DMD: variants seen among roughly 807,000 people sequenced by gnomAD.
DMD encodes mutant dystrophin.
Under a neutral mutation model 330.1 loss-of-function variants are expected in DMD, and 63 were observed. The ratio of observed to expected loss-of-function variants is 0.19; its 90% confidence interval spans 0.16 to 0.24. The LOEUF (loss-of-function observed/expected upper bound fraction) is 0.24, where lower values mean the gene tolerates loss of function less well. DMD is among the 10% of genes least tolerant of loss of function. The pLI is 1.00. For missense variants in DMD, 3,344 were observed against 2,684.1 expected (o/e 1.25, Z -5.43); for synonymous variants, 1,223 against 959.8 (o/e 1.27, Z -5.07).
At chrX:32,634,400 A>T (rs957220647) in intron 11 of DMD, among the ~76,000 whole-genome samples, 3 of 112,030 alleles carry the variant, frequency 2.7e-5, no homozygotes, top group African/African-American at 9.7e-5. Context: ...CTGAAGCAGA[A>T]GGATTCTCTC....
chrX:31,224,807 T>C (rs1472707758), intron 63 of DMD, among the ~76,000 whole-genome samples: 1 of 111,842 alleles, frequency 8.9e-6, no homozygotes, highest in East Asian at 2.8e-4. Flanking sequence ...CAAAGTGCAA[T>C]AAAAAGGAAC....
At chrX:31,916,613 G>A (rs968549891) in intron 47 of DMD, among the ~76,000 whole-genome samples, 3 of 111,653 alleles carry the variant, frequency 2.7e-5, no homozygotes, top group Non-Finnish European at 5.6e-5. Flanking sequence ...CACTTACTCT[G>A]TATCAGCTGT....
At chrX:31,441,301 A>C (rs769738366) in intron 60 of DMD, among the ~76,000 whole-genome samples, 1 of 111,456 alleles carries the variant, frequency 9.0e-6, no homozygotes, top group African/African-American at 3.3e-5. Context: ...GTTTCAAGCA[A>C]TTCTCCTGCC....
At chrX:31,638,249 C>A (rs917816549) in intron 54 of DMD, among the ~76,000 whole-genome samples, 2 of 111,620 alleles carry the variant, frequency 1.8e-5, no homozygotes, top group African/African-American at 6.5e-5. Context: ...CATCAAGTAC[C>A]AAAAGTGCCT....
intron 44 of DMD, among the ~76,000 whole-genome samples, chrX:32,044,095 T>C (rs2096036155): frequency 8.9e-6 from 1 of 111,743 alleles, no homozygotes; most frequent in African/African-American, 3.3e-5. Context: ...GTTAAGAATC[T>C]AAACATTATC....
At chrX:32,905,721 G>A (rs2086675647) in intron 2 of DMD, among the ~76,000 whole-genome samples, 1 of 111,932 alleles carries the variant, frequency 8.9e-6, no homozygotes, top group Admixed American at 9.5e-5. Context: ...TTGACGTATT[G>A]CAGAGATTCT....
At chrX:32,784,162 T>C (rs1041613157) in intron 7 of DMD, among the ~76,000 whole-genome samples, 26 of 111,875 alleles carry the variant, frequency 2.3e-4, no homozygotes, top group African/African-American at 8.4e-4. Flanking sequence ...TATAAGTAGA[T>C]GTCCTCCCTT....
At chrX:31,722,103 TTTC>T (rs2085610580) in intron 52 of DMD, among the ~76,000 whole-genome samples, 1 of 100,162 alleles carries the variant, frequency 1.0e-5, no homozygotes, top group Non-Finnish European at 1.9e-5. Flanking sequence ...GTAAGTTGTA[TTTC>T]TTTTTTATTA....
intron 2 of DMD, among the ~76,000 whole-genome samples, chrX:33,000,557 C>G (rs2093253380): frequency 8.9e-6 from 1 of 111,851 alleles, no homozygotes; most frequent in Non-Finnish European, 1.9e-5. Flanking sequence ...TAAGACCCCT[C>G]TATAGCTATG....
At chrX:33,046,052 A>G (rs2094377380) in intron 1 of DMD, among the ~76,000 whole-genome samples, 1 of 111,516 alleles carries the variant, frequency 9.0e-6, no homozygotes, top group African/African-American at 3.3e-5. Flanking sequence ...CACAGACCAC[A>G]TTGGATGTCA....
intron 41 of DMD, among the ~76,000 whole-genome samples, chrX:32,330,267 C>G (rs2097672650): frequency 1.8e-5 from 2 of 112,034 alleles, no homozygotes; most frequent in South Asian, 7.3e-4. Context: ...TAAAGGAGGG[C>G]AGGAGAATTA....
chrX:32,616,724 A>G (rs1167363884), intron 11 of DMD, among the ~76,000 whole-genome samples: 2 of 81,400 alleles, frequency 2.5e-5, no homozygotes, highest in Admixed American at 1.4e-4. Flanking sequence ...TTCTTTAAAG[A>G]ATGTTACTGA....
At chrX:32,441,791 T>C in intron 27 of DMD, among the ~76,000 whole-genome samples, 1 of 111,569 alleles carries the variant, frequency 9.0e-6, no homozygotes, top group Non-Finnish European at 1.9e-5. Flanking sequence ...TAAGAAGACA[T>C]ATTTTTAATG....
rs2079021836 is a variant in DMD at position 31,629,322 on chromosome X, C to T, written c.8028-1460G>A. Among the ~76,000 whole-genome samples the T allele has an allele frequency of 2.7e-5, 3 of 111,522 alleles. No homozygotes were observed. The South Asian group carries it at 1.1e-3, about 42-fold the overall frequency. On this transcript the variant is annotated intron_variant, in intron 54 of 78. Coordinates refer to ENST00000357033, the MANE Select transcript of DMD (RefSeq NM_004006.3). Reference sequence around the variant, plus strand: ...GCCGAGCCAGCGGCAGCAAAGCCCCCGGAAGAGCTGTTTATTCATCATGGG... The same window carrying T: ...GCCGAGCCAGCGGCAGCAAAGCCCCTGGAAGAGCTGTTTATTCATCATGGG...
intron 21 of DMD, among the ~76,000 whole-genome samples, chrX:32,475,725 C>T (rs1339384410): frequency 2.7e-5 from 3 of 110,842 alleles, no homozygotes; most frequent in African/African-American, 9.8e-5. Context: ...GTACATTAAT[C>T]TTGTATCTGG....
In DMD at chrX:32,386,248, C is replaced by T. The variant is rs2097957593; in HGVS notation, c.4674+62G>A. 19 of 1,163,117 alleles carry T rather than the reference C, an allele frequency of 1.6e-5. No homozygotes were observed. The Admixed American group carries it at 2.4e-4, about 15-fold the overall frequency. Reference sequence around the variant, plus strand: ...CTCTAATCATACATAATTTATTGCCCGTTGCTTTACAATTTATAAGGAAAG... The same window carrying T: ...CTCTAATCATACATAATTTATTGCCTGTTGCTTTACAATTTATAAGGAAAG... On this transcript the variant is annotated intron_variant, in intron 33 of 78. Transcript: ENST00000357033.
intron 1 of DMD, among the ~76,000 whole-genome samples, chrX:33,106,521 A>G (rs746056275): frequency 1.4e-4 from 16 of 112,510 alleles, no homozygotes; most frequent in African/African-American, 4.8e-4. Flanking sequence ...CATTAAGGGC[A>G]TATTGAATAT....
intron 4 of DMD, among the ~76,000 whole-genome samples, chrX:32,825,974 C>G (rs2078661078): frequency 9.5e-6 from 1 of 105,597 alleles, no homozygotes; most frequent in Admixed American, 1.0e-4. Context: ...TACTTAAAGC[C>G]ACTGAATTAT....
chrX:32,957,659 G>A (rs931293197), intron 2 of DMD, among the ~76,000 whole-genome samples: 6 of 111,579 alleles, frequency 5.4e-5, no homozygotes, highest in Admixed American at 1.9e-4. Flanking sequence ...ATTTAAGGGC[G>A]TAGGGATAGG....
Sources: allele counts gnomAD v4.1 joint callset (sites outside exome capture counted in the v4.1 genomes callset), GRCh38; gene constraint gnomAD v4.1.1; transcripts MANE v1.5; gene names NCBI Gene and HGNC (gene_info 2026-07-23, HGNC 2026-07-21).